TACR3: variants seen among roughly 807,000 people sequenced by gnomAD.
TACR3 encodes the protein tachykinin receptor 3, also known as neuromedin-K receptor.
In TACR3, 34 loss-of-function variants were observed where a neutral mutation model predicts 35.0. That is an observed-to-expected ratio of 0.97 (90% CI 0.74 to 1.30). TACR3 has a LOEUF of 1.30. Ranked by LOEUF, TACR3 falls within the 50% of genes most tolerant of loss-of-function variation. The pLI is 0.00. For synonymous variants in TACR3, 233 were observed against 221.1 expected (o/e 1.05, Z -0.48); for missense variants, 558 against 591.7 (o/e 0.94, Z 0.59).
chr4:103,598,350 T>G (rs1195813826), intron 3 of TACR3, among the ~76,000 whole-genome samples: 1 of 152,234 alleles, frequency 6.6e-6, no homozygotes, highest in Non-Finnish European at 1.5e-5. Context: ...ATTCTGGATA[T>G]TAGCCCTTTG....
chr4:103,707,706 C>T (rs536116069), intron 1 of TACR3, among the ~76,000 whole-genome samples: 103 of 152,078 alleles, frequency 6.8e-4, no homozygotes, highest in Non-Finnish European at 8.5e-4. Flanking sequence ...GGTGAGGCAT[C>T]GCCTCACCTG....
chr4:103,622,871 G>A (rs1724813676), intron 3 of TACR3, among the ~76,000 whole-genome samples: 1 of 152,118 alleles, frequency 6.6e-6, no homozygotes, highest in African/African-American at 2.4e-5. Context: ...CTAATGTCAA[G>A]GTGGTTGGAT....
intron 1 of TACR3, among the ~76,000 whole-genome samples, chr4:103,671,387 G>T (rs865915835): frequency 3.3e-5 from 5 of 151,850 alleles, no homozygotes; most frequent in African/African-American, 7.2e-5. Context: ...TTAAATGTTT[G>T]GTAGAATTAA....
At chr4:103,614,219 A>G (rs148563138) in intron 3 of TACR3, among the ~76,000 whole-genome samples, 118 of 152,354 alleles carry the variant, frequency 7.7e-4, no homozygotes, top group African/African-American at 2.7e-3. Flanking sequence ...ACAAATATCA[A>G]GAACAAGACA....
intron 3 of TACR3, among the ~76,000 whole-genome samples, chr4:103,622,023 A>G (rs1357628366): frequency 2.0e-5 from 3 of 152,198 alleles, no homozygotes; most frequent in African/African-American, 7.2e-5. Flanking sequence ...AGAAAAGCCA[A>G]AAAAGTCTAC....
At chr4:103,608,125 G>A (rs932293965) in intron 3 of TACR3, among the ~76,000 whole-genome samples, 2 of 152,092 alleles carry the variant, frequency 1.3e-5, no homozygotes, top group African/African-American at 2.4e-5. Flanking sequence ...TCGTTACCAC[G>A]CTATTCACAA....
At chr4:103,604,811 G>A (rs1418083441) in intron 3 of TACR3, among the ~76,000 whole-genome samples, 1 of 147,594 alleles carries the variant, frequency 6.8e-6, no homozygotes, top group Non-Finnish European at 1.5e-5. Context: ...GGTCATTAGA[G>A]AGATAATAAT....
intron 1 of TACR3, among the ~76,000 whole-genome samples, chr4:103,677,836 A>G (rs1402368711): frequency 1.3e-5 from 2 of 152,126 alleles, no homozygotes; most frequent in African/African-American, 4.8e-5. Context: ...ACAAACCTGT[A>G]CATCCTGCAC....
chr4:103,667,612 C>T lies in TACR3; in HGVS notation c.549-9209G>A, dbSNP rs139271788. ...ATTACTTGTGCCCCATAAATATGTA[C>T]ACCTATTATGTATTTATAATAATGT... On this transcript the variant is annotated intron_variant, in intron 1 of 4. Transcript: ENST00000304883. 3.1e-3 allele frequency among the ~76,000 whole-genome samples: 468 copies of T among 152,184 alleles called. 18 individuals carry two copies. In the East Asian group the frequency reaches 0.066, roughly 22 times the overall value.
chr4:103,707,574 G>A (rs1037185580), intron 1 of TACR3, among the ~76,000 whole-genome samples: 9 of 152,286 alleles, frequency 5.9e-5, no homozygotes, highest in East Asian at 1.9e-4. Flanking sequence ...CCCAGTGTGA[G>A]CGACGCAGAA....
rs567615479 is a variant in TACR3 at position 103,628,411 on chromosome 4, TAAAG to T, written c.888+27779_888+27782del. Among the ~76,000 whole-genome samples, 202 of 151,624 alleles carry T rather than the reference TAAAG, an allele frequency of 1.3e-3. 2 individuals carry two copies. Among genetic ancestry groups the T allele is most frequent in the African/African-American group, 4.7e-3 (193 of 41,304 alleles). On this transcript the variant is annotated intron_variant, in intron 3 of 4. Transcript: ENST00000304883. Reference sequence around the variant, plus strand: ...GATGATAGACTGCTAGCAAGACTAATAAAGAAGAAAAGGGAGAGGAATCAAATAT... The same window carrying T: ...GATGATAGACTGCTAGCAAGACTAATAAGAAAAGGGAGAGGAATCAAATAT...
intron 1 of TACR3, among the ~76,000 whole-genome samples, chr4:103,712,200 C>T (rs1722981110): frequency 6.6e-6 from 1 of 152,156 alleles, no homozygotes; most frequent in Non-Finnish European, 1.5e-5. Flanking sequence ...CAATCCTTAG[C>T]CAAAAGAACA....
chr4:103,706,396 CT>C (rs1722790687), intron 1 of TACR3, among the ~76,000 whole-genome samples: 1 of 152,030 alleles, frequency 6.6e-6, no homozygotes, highest in South Asian at 2.1e-4. Flanking sequence ...TAAAACAAGT[CT>C]GTATATCCTG....
chr4:103,601,521 T>C (rs1578220951), intron 3 of TACR3, among the ~76,000 whole-genome samples: 2 of 152,218 alleles, frequency 1.3e-5, no homozygotes, highest in Non-Finnish European at 2.9e-5. Context: ...CAATGGCTGG[T>C]ACTGGTTGTT....
chr4:103,658,447 AC>A, intron 1 of TACR3, 44 bp from the exon 2 acceptor site: 1 of 1,576,124 alleles, frequency 6.3e-7, no homozygotes, highest in Non-Finnish European at 8.7e-7. Flanking sequence ...TTTCTTTATA[AC>A]AGAGTTTGAA....
intron 3 of TACR3, among the ~76,000 whole-genome samples, chr4:103,644,610 T>C (rs1725421358): frequency 6.6e-6 from 1 of 151,726 alleles, no homozygotes. Context: ...ATATTTTTCT[T>C]TTTTGGGAAG....
At position 103,591,686 on chromosome 4, in the gene TACR3, AT is replaced by A; in HGVS notation, c.889-4del. 6.2e-7 allele frequency: 1 copy of A among 1,609,284 alleles called. No homozygotes were observed. The highest frequency in any genetic ancestry group is 8.5e-7 in the Non-Finnish European group (1 of 1,177,812). ...ACAATAATCATCATTTTGACAACCT[AT>A]AAAGAAAAAAAGTCATTTTTGACAA... On this transcript the variant is annotated splice_region_variant and splice_polypyrimidine_tract_variant and intron_variant, in intron 3 of 4. Coordinates refer to ENST00000304883, the MANE Select transcript of TACR3 (RefSeq NM_001059.3).
chr4:103,648,246 G>T (rs771064168), intron 3 of TACR3, among the ~76,000 whole-genome samples: 1 of 151,792 alleles, frequency 6.6e-6, no homozygotes, highest in Non-Finnish European at 1.5e-5. Flanking sequence ...AGGATAATGC[G>T]GTATCCATCA....
chr4:103,602,611 G>A (rs1479795818), intron 3 of TACR3, among the ~76,000 whole-genome samples: 1 of 152,128 alleles, frequency 6.6e-6, no homozygotes, highest in Non-Finnish European at 1.5e-5. Flanking sequence ...CTAACAGACA[G>A]GACCCTCAGC....
Sources: gnomAD v4.1 joint callset for allele counts (sites outside exome capture counted in the v4.1 genomes callset) on GRCh38, gnomAD v4.1.1 for gene constraint, MANE v1.5 for transcripts, NCBI Gene and HGNC (gene_info 2026-07-23, HGNC 2026-07-21) for gene names.